LHCGR: variants seen among roughly 807,000 people sequenced by gnomAD.
LHCGR encodes luteinizing hormone/choriogonadotropin receptor, also known as lutropin-choriogonadotropic hormone receptor.
LHCGR carries 55 observed loss-of-function variants against 60.7 expected under a neutral mutation model. That is an observed-to-expected ratio of 0.91 (90% CI 0.73 to 1.13). The LOEUF is 1.13. Among genes scored for constraint, LHCGR ranks in the 50% most tolerant of loss-of-function variants. LHCGR has a pLI of 0.00. For missense variants in LHCGR, 862 were observed against 836.0 expected (o/e 1.03, Z -0.38); for synonymous variants, 337 against 316.5 (o/e 1.06, Z -0.69).
intron 1 of LHCGR, among the ~76,000 whole-genome samples, chr2:48,737,240 C>T (rs1451448311): frequency 6.6e-6 from 1 of 152,194 alleles, no homozygotes; most frequent in Admixed American, 6.5e-5. Flanking sequence ...CTACAAACAT[C>T]CATTCATTTT....
At chr2:48,693,489 A>G (rs920753109) in intron 10 of LHCGR, among the ~76,000 whole-genome samples, 1 of 152,216 alleles carries the variant, frequency 6.6e-6, no homozygotes, top group Non-Finnish European at 1.5e-5. Context: ...GATTGATAGG[A>G]AAAGAAAAGA....
chr2:48,723,653 T>G lies in LHCGR; in HGVS notation c.427A>C (p.Lys143Gln). The change falls in exon 5 of 11, where the codon AAG becomes CAG. Residue 143 changes from lysine to glutamine, a missense_variant. By Grantham distance (53) the Lys-to-Gln change is moderately conservative (BLOSUM62 1). Coordinates refer to ENST00000294954, the MANE Select transcript of LHCGR (RefSeq NM_000233.4). ...TGIRKFPDVT[K>Q]VFSSESNFIL... Reference sequence around the variant, plus strand: ...AAATTTGATTCAGAGGAGAAGACCTTCGTAACATCTGGAAACTTTCTGATG... The same window carrying G: ...AAATTTGATTCAGAGGAGAAGACCTGCGTAACATCTGGAAACTTTCTGATG... 1 of 1,614,010 alleles carries G rather than the reference T, an allele frequency of 6.2e-7. No homozygotes were observed. The highest frequency in any genetic ancestry group is 8.5e-7 in the Non-Finnish European group (1 of 1,179,878).
At position 48,698,728 on chromosome 2, in the gene LHCGR, C is replaced by T. The variant is rs779895011; in HGVS notation, c.753G>A (p.Thr251=). The T allele has an allele frequency of 7.4e-6, 12 of 1,613,970 alleles. No homozygotes were observed. Among genetic ancestry groups the T allele is most frequent in the Admixed American group, 3.3e-5 (2 of 60,004 alleles). The change falls in exon 9 of 11, where the codon ACG becomes ACA. Residue 251 remains threonine, a synonymous_variant. Transcript: ENST00000294954. ...GLESIQRLIA[T]SSYSLKKLPS... ...GCAATTTTTTTAGAGAATAGGATGA[C>T]GTGGCAATTAGCCTCTGAATGGACT...
chr2:48,748,574 T>G lies in LHCGR; in HGVS notation c.161+6937A>C, dbSNP rs919805205. Among the ~76,000 whole-genome samples the G allele has an allele frequency of 3.3e-5, 5 of 152,296 alleles. No individual in the cohort carries two copies. In the South Asian group the frequency reaches 8.3e-4, roughly 25 times the overall value. On this transcript the variant is annotated intron_variant, in intron 1 of 10. Transcript: ENST00000294954. ...GGCCTAGTGGGTCATTTTCTCTAAT[T>G]AACACCTCCCAGGAACAAAACTGTT...
chr2:48,723,563 T>A lies in LHCGR; in HGVS notation c.459-30A>T, dbSNP rs375384164. 38 of 1,606,226 alleles carry A rather than the reference T, an allele frequency of 2.4e-5. No individual in the cohort carries two copies. In the East Asian group the frequency reaches 8.3e-4, roughly 35 times the overall value. On this transcript the variant is annotated intron_variant, in intron 5 of 10. Transcript: ENST00000294954. Reference sequence around the variant, plus strand: ...AGGAAAGAAATGAGAAATATTTACTTTCTAAATTTTAGCTGCAAATAGGAA... The same window carrying A: ...AGGAAAGAAATGAGAAATATTTACTATCTAAATTTTAGCTGCAAATAGGAA...
intron 8 of LHCGR, among the ~76,000 whole-genome samples, chr2:48,708,546 A>G (rs1182095072): frequency 3.6e-4 from 4 of 11,092 alleles, no homozygotes; most frequent in Non-Finnish European, 6.2e-4. Context: ...GGAGATACCC[A>G]CCCACACACA....
chr2:48,694,063 G>A (rs982542643), intron 10 of LHCGR, among the ~76,000 whole-genome samples, 161 bp downstream of exon 10: 8 of 152,116 alleles, frequency 5.3e-5, no homozygotes, highest in African/African-American at 1.9e-4. Flanking sequence ...TCAACTTGAT[G>A]CCAATTGCAA....
chr2:48,722,104 T>C (rs1468702985), intron 6 of LHCGR, among the ~76,000 whole-genome samples: 5 of 152,118 alleles, frequency 3.3e-5, no homozygotes, highest in Admixed American at 1.3e-4. Flanking sequence ...GAGCCAAGAT[T>C]GCGCCACTGC....
chr2:48,705,785 G>A (rs1035280139), intron 8 of LHCGR, among the ~76,000 whole-genome samples: 1 of 151,850 alleles, frequency 6.6e-6, no homozygotes, highest in African/African-American at 2.4e-5. Context: ...GCCTATGTGT[G>A]TCTTTGCATG....
At chr2:48,695,925 A>G (rs1268977075) in intron 9 of LHCGR, among the ~76,000 whole-genome samples, 1 of 152,152 alleles carries the variant, frequency 6.6e-6, no homozygotes, top group Non-Finnish European at 1.5e-5. Flanking sequence ...GTTGAAAACT[A>G]TCTATCGAGT....
chr2:48,740,100 G>T (rs1395450383), intron 1 of LHCGR, among the ~76,000 whole-genome samples: 3 of 152,194 alleles, frequency 2.0e-5, no homozygotes. Flanking sequence ...TGGAAAATCG[G>T]GTCACTCCCA....
At chr2:48,693,415 G>T (rs540682317) in intron 10 of LHCGR, among the ~76,000 whole-genome samples, 53 of 152,246 alleles carry the variant, frequency 3.5e-4, no homozygotes, top group South Asian at 3.1e-3. Flanking sequence ...CATATACTTG[G>T]AATGGAACCC....
At chr2:48,736,110 C>T (rs984330568) in intron 1 of LHCGR, among the ~76,000 whole-genome samples, 1 of 152,184 alleles carries the variant, frequency 6.6e-6, no homozygotes, top group East Asian at 1.9e-4. Flanking sequence ...GTACAGCCTG[C>T]AGAACTGTGA....
At chr2:48,727,711 A>T (rs866299688) in intron 3 of LHCGR, among the ~76,000 whole-genome samples, 8 of 152,238 alleles carry the variant, frequency 5.3e-5, no homozygotes, top group Middle Eastern at 6.8e-3. Context: ...GCACTTACTC[A>T]TTATTTTGGA....
Position 48,694,274 on chromosome 2 carries a change from GT to G in LHCGR, c.896del (p.Asn299ThrfsTer10). On this transcript the variant is annotated frameshift_variant, in exon 10 of 11. Transcript: ENST00000294954. LOFTEE classifies it high-confidence loss of function. ...EQNFSHSISE[N>X]FSKQCESTVR... ...CTGTGCTTTCACATTGTTTGGAAAA[GT>G]TTTCAGAAATGGAATGTGAAAAATT... is the stretch of plus-strand genomic sequence containing the variant. The G allele has an allele frequency of 6.2e-7, 1 of 1,601,378 alleles. No individual in the cohort carries two copies. The highest frequency in any genetic ancestry group is 8.5e-7 in the Non-Finnish European group (1 of 1,170,398).
rs1273280978 is a variant in LHCGR at position 48,711,307 on chromosome 2, C to CT, written c.606-2286dup. 1.9e-3 allele frequency among the ~76,000 whole-genome samples: 283 copies of CT among 152,066 alleles called. 1 individual carries two copies. Among genetic ancestry groups the CT allele is most frequent in the African/African-American group, 6.3e-3 (263 of 41,482 alleles). ...TTGTAATAATTTTATCTGTTATTTG[C>CT]TTTTTTTTGTCTGTCTTTTCTGATA... is the stretch of plus-strand genomic sequence containing the variant. On this transcript the variant is annotated intron_variant, in intron 7 of 10. Coordinates refer to ENST00000294954, the MANE Select transcript of LHCGR (RefSeq NM_000233.4).
chr2:48,736,290 GC>G (rs1572881232), intron 1 of LHCGR, among the ~76,000 whole-genome samples: 2 of 152,126 alleles, frequency 1.3e-5, no homozygotes, highest in Admixed American at 1.3e-4. Flanking sequence ...TAAAGGCCCA[GC>G]CCCCTTGCCT....
chr2:48,696,748 T>C (rs1667132731), intron 9 of LHCGR, among the ~76,000 whole-genome samples: 2 of 152,226 alleles, frequency 1.3e-5, no homozygotes, highest in South Asian at 4.1e-4. Flanking sequence ...TCTTCTACAA[T>C]ACTTATGAGA....
At chr2:48,749,720 T>TAA (rs35333492) in intron 1 of LHCGR, among the ~76,000 whole-genome samples, 55 of 129,958 alleles carry the variant, frequency 4.2e-4, no homozygotes, top group Middle Eastern at 3.9e-3. Flanking sequence ...CTTTTGAAAT[T>TAA]AAAAAAAAAA....
Sources: gnomAD v4.1 joint callset for allele counts (sites outside exome capture counted in the v4.1 genomes callset) on GRCh38, gnomAD v4.1.1 for gene constraint, MANE v1.5 for transcripts, NCBI Gene and HGNC (gene_info 2026-07-23, HGNC 2026-07-21) for gene names.